NEDD4: variants seen among roughly 807,000 people sequenced by gnomAD.
NEDD4 encodes the protein NEDD4 E3 ubiquitin protein ligase.
NEDD4 carries 99 observed loss-of-function variants against 144.9 expected under a neutral mutation model. That is an observed-to-expected ratio of 0.68 (90% CI 0.58 to 0.81). The LOEUF (loss-of-function observed/expected upper bound fraction) is 0.81, where lower values mean the gene tolerates loss of function less well. Ranked by LOEUF, NEDD4 falls within the 30% of genes least tolerant of loss-of-function variation. NEDD4 has a pLI of 0.00. For missense variants in NEDD4, 985 were observed against 1,065.9 expected (o/e 0.92, Z 1.06); for synonymous variants, 318 against 350.6 (o/e 0.91, Z 1.04).
intron 1 of NEDD4, among the ~76,000 whole-genome samples, chr15:55,977,027 G>T (rs1259501366): frequency 6.6e-6 from 1 of 152,172 alleles, no homozygotes; most frequent in Non-Finnish European, 1.5e-5. Flanking sequence ...GATTCCACTG[G>T]CAAGCAGTAG....
At chr15:55,926,096 C>T (rs1270137413) in intron 4 of NEDD4, among the ~76,000 whole-genome samples, 5 of 151,580 alleles carry the variant, frequency 3.3e-5, no homozygotes, top group Non-Finnish European at 5.9e-5. Flanking sequence ...ACATACTGTA[C>T]ATGTATATGA....
chr15:55,909,796 G>A (rs74015334), intron 5 of NEDD4, among the ~76,000 whole-genome samples: 2,931 of 152,242 alleles, frequency 0.019, 109 homozygotes, highest in African/African-American at 0.068. Context: ...AGACAGAATT[G>A]CCTATTATCC....
At chr15:55,943,724 C>T (rs1420150498) in intron 4 of NEDD4, among the ~76,000 whole-genome samples, 1 of 152,206 alleles carries the variant, frequency 6.6e-6, no homozygotes, top group Non-Finnish European at 1.5e-5. Context: ...AAATGTGGGA[C>T]TGGAGTCCCC....
intron 2 of NEDD4, 126 bp from the exon 3 acceptor site, chr15:55,951,715 A>G (rs2037244517): frequency 1.4e-6 from 1 of 721,904 alleles, no homozygotes; most frequent in African/African-American, 1.8e-5. Context: ...TCCTGAATTT[A>G]AAAGTCAGGA....
intron 7 of NEDD4, among the ~76,000 whole-genome samples, chr15:55,871,885 T>C (rs1595777472): frequency 6.6e-6 from 1 of 152,302 alleles, no homozygotes; most frequent in Middle Eastern, 3.4e-3. Flanking sequence ...GGAGTTTTAG[T>C]TACAGCTTAA....
intron 5 of NEDD4, among the ~76,000 whole-genome samples, chr15:55,899,915 C>G (rs575903442): frequency 6.6e-6 from 1 of 152,304 alleles, no homozygotes; most frequent in Non-Finnish European, 1.5e-5. Flanking sequence ...GGCTACTAAA[C>G]TGGACAGTGG....
intron 1 of NEDD4, among the ~76,000 whole-genome samples, chr15:55,976,976 T>C (rs1214865560): frequency 6.6e-6 from 1 of 152,230 alleles, no homozygotes; most frequent in African/African-American, 2.4e-5. Context: ...TGAAATATTA[T>C]AGCACAAGAG....
At chr15:55,874,424 C>G (rs551951352) in intron 5 of NEDD4, among the ~76,000 whole-genome samples, 1 of 152,202 alleles carries the variant, frequency 6.6e-6, no homozygotes, top group Non-Finnish European at 1.5e-5. Flanking sequence ...TGCACTATTA[C>G]TGGCTTGAGG....
intron 4 of NEDD4, among the ~76,000 whole-genome samples, chr15:55,942,632 G>A (rs1353039173): frequency 6.6e-6 from 1 of 152,182 alleles, no homozygotes; most frequent in African/African-American, 2.4e-5. Flanking sequence ...TACAGCCTGT[G>A]GAACTGTGAG....
chr15:55,915,085 T>C (rs1326120959), intron 5 of NEDD4, among the ~76,000 whole-genome samples: 6 of 152,092 alleles, frequency 3.9e-5, no homozygotes, highest in Non-Finnish European at 8.8e-5. Flanking sequence ...TTTTGTACAC[T>C]GGTAAAATAA....
intron 5 of NEDD4, among the ~76,000 whole-genome samples, chr15:55,914,925 G>A (rs1349326868): frequency 6.6e-6 from 1 of 151,974 alleles, no homozygotes; most frequent in Non-Finnish European, 1.5e-5. Context: ...CTACACAAAA[G>A]AATACTATAT....
rs1047505484 is a variant in NEDD4 at position 55,848,784 on chromosome 15, G to C, written c.1428+22C>G. The stretch of plus-strand genomic sequence containing the variant: ...TATTTGAGATAGCCAAGTTAGATGG[G>C]TTAGCATTTCTATACACTTACAGGT... On this transcript the variant is annotated intron_variant, in intron 15 of 28. Coordinates refer to ENST00000435532, the MANE Select transcript of NEDD4 (RefSeq NM_006154.4). 5 of 1,598,928 alleles carry C rather than the reference G, an allele frequency of 3.1e-6. No individual in the cohort carries two copies. The East Asian group carries it at 1.1e-4, about 36-fold the overall frequency.
At chr15:55,915,438 T>C (rs147466701) in intron 5 of NEDD4, 1 of 1,613,760 alleles carries the variant, frequency 6.2e-7, no homozygotes, top group Non-Finnish European at 8.5e-7. Context: ...ACAGGAAATA[T>C]TTGGATAAGC....
At chr15:55,952,463 A>AT (rs1197736376) in intron 2 of NEDD4, among the ~76,000 whole-genome samples, 1 of 152,212 alleles carries the variant, frequency 6.6e-6, no homozygotes, top group East Asian at 1.9e-4. Flanking sequence ...TTACTTGTCC[A>AT]TTGTTAAATT....
intron 23 of NEDD4, 117 bp downstream of exon 23, chr15:55,837,990 A>G: frequency 1.1e-6 from 1 of 896,424 alleles, no homozygotes. Context: ...GCATTGTGAT[A>G]GAGAAAAAGA....
intron 8 of NEDD4, among the ~76,000 whole-genome samples, chr15:55,869,036 T>C (rs1414020491): frequency 1.3e-5 from 2 of 152,170 alleles, no homozygotes. Flanking sequence ...TCCAGATGCA[T>C]GTAACTCTAC....
At chr15:55,991,288 G>A (rs986249176) in intron 1 of NEDD4, among the ~76,000 whole-genome samples, 3 of 152,096 alleles carry the variant, frequency 2.0e-5, no homozygotes, top group Non-Finnish European at 4.4e-5. Context: ...AACAAAAGGG[G>A]TGTTTGGGGG....
Position 55,900,969 on chromosome 15 carries a change from AATAAG to A in NEDD4, c.291+23672_291+23676del, listed in dbSNP as rs746512029. Reference sequence around the variant, plus strand: ...CAAGTTATAATAGTGGTTTTTACAAAATAAGATGTTTATTTTAATGTTTTCACATA... The same window carrying A: ...CAAGTTATAATAGTGGTTTTTACAAAATGTTTATTTTAATGTTTTCACATA... On this transcript the variant is annotated intron_variant, in intron 5 of 28. Coordinates refer to ENST00000435532, the MANE Select transcript of NEDD4 (RefSeq NM_006154.4). Among the ~76,000 whole-genome samples the A allele has an allele frequency of 1.2e-4, 18 of 152,338 alleles. 1 individual carries two copies. In the East Asian group the frequency reaches 2.5e-3, roughly 21 times the overall value.
At chr15:55,947,788 G>T (rs1246223105) in intron 4 of NEDD4, among the ~76,000 whole-genome samples, 1 of 152,156 alleles carries the variant, frequency 6.6e-6, no homozygotes, top group Non-Finnish European at 1.5e-5. Context: ...ATTAGGTATT[G>T]ATGGGACGTA....
Sources: allele counts gnomAD v4.1 joint callset (sites outside exome capture counted in the v4.1 genomes callset), GRCh38; gene constraint gnomAD v4.1.1; transcripts MANE v1.5; gene names NCBI Gene and HGNC (gene_info 2026-07-23, HGNC 2026-07-21).